SKAP2: variants seen among roughly 807,000 people sequenced by gnomAD.
SKAP2 encodes src kinase-associated phosphoprotein 2.
SKAP2 carries 28 observed loss-of-function variants against 54.9 expected under a neutral mutation model. The observed-to-expected ratio is 0.51, with a 90% CI of 0.38 to 0.70. SKAP2 has a LOEUF of 0.70. Ranked by LOEUF, SKAP2 falls within the 30% of genes least tolerant of loss-of-function variation. SKAP2 has a pLI of 0.00. For synonymous variants in SKAP2, 137 were observed against 134.3 expected (o/e 1.02, Z -0.14); for missense variants, 356 against 424.1 (o/e 0.84, Z 1.41).
intron 4 of SKAP2, among the ~76,000 whole-genome samples, chr7:26,784,978 A>C (rs942546031): frequency 3.3e-5 from 5 of 152,302 alleles, no homozygotes; most frequent in South Asian, 4.1e-4. Flanking sequence ...GTGGTGGATA[A>C]ATAGGTATTT....
intron 3 of SKAP2, among the ~76,000 whole-genome samples, chr7:26,853,687 T>A (rs533576214): frequency 2.1e-4 from 32 of 152,338 alleles, no homozygotes; most frequent in African/African-American, 7.7e-4. Flanking sequence ...AAATTTACAC[T>A]GTTTTCAAAA....
At chr7:26,804,204 G>A (rs1015653030) in intron 4 of SKAP2, among the ~76,000 whole-genome samples, 7 of 152,044 alleles carry the variant, frequency 4.6e-5, no homozygotes, top group African/African-American at 1.4e-4. Flanking sequence ...CTGCATGCCC[G>A]TATCAAAATG....
chr7:26,686,175 A>G (rs917728404), intron 10 of SKAP2, among the ~76,000 whole-genome samples: 1 of 152,204 alleles, frequency 6.6e-6, no homozygotes, highest in African/African-American at 2.4e-5. Flanking sequence ...CAAAAAAAAG[A>G]GAATCTGAAT....
intron 4 of SKAP2, among the ~76,000 whole-genome samples, chr7:26,791,776 T>C (rs1783677655): frequency 1.3e-5 from 2 of 152,228 alleles, no homozygotes; most frequent in Non-Finnish European, 1.5e-5. Context: ...GCATGCAAAA[T>C]GGTATAGCTA....
At chr7:26,793,740 A>G (rs986267296) in intron 4 of SKAP2, among the ~76,000 whole-genome samples, 4 of 152,220 alleles carry the variant, frequency 2.6e-5, no homozygotes, top group Non-Finnish European at 4.4e-5. Flanking sequence ...AAACCACTTT[A>G]AACTCTCACA....
Position 26,708,583 on chromosome 7 carries a change from T to G in SKAP2, c.796+16845A>C, listed in dbSNP as rs537058331. 4.3e-4 allele frequency among the ~76,000 whole-genome samples: 66 copies of G among 152,280 alleles called. 1 individual carries two copies. The highest frequency in any genetic ancestry group is 1.5e-3 in the African/African-American group (62 of 41,562). ...CTCCATTTAGTAAACTCCCCAACCT[T>G]AATCCTTTTACTTTCATCTTCAGTA... On this transcript the variant is annotated intron_variant, in intron 9 of 12. Transcript: ENST00000345317.
chr7:26,663,082 A>G (rs140399160), downstream of SKAP2, among the ~76,000 whole-genome samples: 573 of 152,216 alleles, frequency 3.8e-3, 9 homozygotes, highest in South Asian at 7.5e-3. Context: ...AGATCAGGGT[A>G]ATGCAGTCAT....
chr7:26,767,428 T>C (rs891676275), intron 4 of SKAP2, among the ~76,000 whole-genome samples: 1 of 152,216 alleles, frequency 6.6e-6, no homozygotes, highest in African/African-American at 2.4e-5. Flanking sequence ...CCTGAATTCA[T>C]TGATTTTTTG....
chr7:26,727,722 C>T (rs889479870), intron 6 of SKAP2, among the ~76,000 whole-genome samples: 29 of 151,990 alleles, frequency 1.9e-4, no homozygotes, highest in African/African-American at 7.0e-4. Flanking sequence ...CAGCTTTGGT[C>T]AGATATTATT....
chr7:26,717,509 C>CAAAAAAAAAAAAAAAAAAAAAA lies in SKAP2; in HGVS notation c.796+7897_796+7918dup, dbSNP rs58826714. Among the ~76,000 whole-genome samples, 18 of 23,132 alleles carry CAAAAAAAAAAAAAAAAAAAAAA rather than the reference C, an allele frequency of 7.8e-4. 6 individuals carry two copies. The highest frequency in any genetic ancestry group is 1.5e-3 in the Non-Finnish European group (14 of 9,594). 15.2% of individuals were successfully genotyped at this position (23,132 alleles called of 152,430 possible). A position where few individuals can be genotyped will look rare whatever the true frequency, so the allele number is the denominator to read the frequency against. On this transcript the variant is annotated intron_variant, in intron 9 of 12. Coordinates refer to ENST00000345317, the MANE Select transcript of SKAP2 (RefSeq NM_003930.5). ...TGGGTGACAGAGCAAGACCCCATCT[C>CAAAAAAAAAAAAAAAAAAAAAA]AAAAAAAAAAAAAAAAAAAAAAAAA...
At chr7:26,718,000 T>C (rs1787497965) in intron 9 of SKAP2, among the ~76,000 whole-genome samples, 1 of 151,914 alleles carries the variant, frequency 6.6e-6, no homozygotes, top group Non-Finnish European at 1.5e-5. Flanking sequence ...AGAAAACTCA[T>C]GCGATGAGGA....
At chr7:26,761,414 G>C (rs1207778282) in intron 4 of SKAP2, among the ~76,000 whole-genome samples, 2 of 152,148 alleles carry the variant, frequency 1.3e-5, no homozygotes, top group African/African-American at 4.8e-5. Context: ...ATAGTATGTT[G>C]CATATTTTTA....
At chr7:26,679,534 AAC>A (rs1786437154) in intron 11 of SKAP2, among the ~76,000 whole-genome samples, 1 of 152,174 alleles carries the variant, frequency 6.6e-6, no homozygotes, top group African/African-American at 2.4e-5. Flanking sequence ...CACAAATACA[AAC>A]ACTTCTTCTT....
intron 9 of SKAP2, among the ~76,000 whole-genome samples, chr7:26,703,099 G>A (rs1787077462): frequency 6.6e-6 from 1 of 152,176 alleles, no homozygotes; most frequent in Non-Finnish European, 1.5e-5. Context: ...CAGTACTTTT[G>A]AGAACCATGG....
chr7:26,833,575 G>C (rs113360640), intron 4 of SKAP2, among the ~76,000 whole-genome samples: 26,217 of 151,994 alleles, frequency 0.17, 2,813 homozygotes, highest in Non-Finnish European at 0.24. Flanking sequence ...TGCAATCCTA[G>C]TCTCTGATAA....
intron 4 of SKAP2, among the ~76,000 whole-genome samples, chr7:26,807,473 T>C (rs143751550): frequency 1.3e-5 from 2 of 152,326 alleles, no homozygotes; most frequent in African/African-American, 4.8e-5. Context: ...AAGAAGCTGC[T>C]TGTGTCTCTT....
intron 4 of SKAP2, among the ~76,000 whole-genome samples, chr7:26,760,177 C>A (rs1167919338): frequency 6.6e-6 from 1 of 152,108 alleles, no homozygotes; most frequent in Non-Finnish European, 1.5e-5. Context: ...TTTCAGTTCA[C>A]ATATTCCACG....
chr7:26,738,996 T>C, intron 5 of SKAP2, 118 bp from the exon 6 acceptor site: 1 of 684,710 alleles, frequency 1.5e-6, no homozygotes, highest in Non-Finnish European at 2.6e-6. Context: ...TGTATCTTCT[T>C]TTCCAAGAGA....
intron 4 of SKAP2, among the ~76,000 whole-genome samples, chr7:26,790,386 C>G (rs1783649749): frequency 6.6e-6 from 1 of 152,140 alleles, no homozygotes; most frequent in African/African-American, 2.4e-5. Context: ...ATGAAATCAT[C>G]TAAATTAGTA....
Sources: allele counts gnomAD v4.1 joint callset (sites outside exome capture counted in the v4.1 genomes callset), GRCh38; gene constraint gnomAD v4.1.1; transcripts MANE v1.5; gene names NCBI Gene and HGNC (gene_info 2026-07-23, HGNC 2026-07-21).